The following ADAMTSL1 variants were observed in gnomAD, a reference collection of about 807,000 sequenced individuals.
ADAMTSL1 encodes ADAMTS like 1, also known as ADAMTS-like protein 1.
Under a neutral mutation model 201.8 loss-of-function variants are expected in ADAMTSL1, and 126 were observed. That is an observed-to-expected ratio of 0.62 (90% CI 0.54 to 0.72). ADAMTSL1 has a LOEUF of 0.72. Among genes scored for constraint, ADAMTSL1 ranks in the 30% least tolerant of loss-of-function variants. ADAMTSL1 has a pLI of 0.00. For synonymous variants in ADAMTSL1, 1,121 were observed against 903.4 expected (o/e 1.24, Z -4.32); for missense variants, 2,679 against 2,277.8 (o/e 1.18, Z -3.59).
At chr9:18,113,841 C>A (rs924773702) in intron 1 of ADAMTSL1, among the ~76,000 whole-genome samples, 12 of 151,938 alleles carry the variant, frequency 7.9e-5, no homozygotes, top group Admixed American at 3.3e-4. Context: ...ACTAAACAAC[C>A]CTATGAGATA....
At chr9:18,513,152 G>A (rs1470012294) in intron 2 of ADAMTSL1, among the ~76,000 whole-genome samples, 1 of 151,874 alleles carries the variant, frequency 6.6e-6, no homozygotes, top group Non-Finnish European at 1.5e-5. Flanking sequence ...TTTTATTGTG[G>A]TAAGACAATT....
intron 1 of ADAMTSL1, among the ~76,000 whole-genome samples, chr9:18,066,466 CT>C (rs1822708450): frequency 6.6e-6 from 1 of 152,142 alleles, no homozygotes; most frequent in Non-Finnish European, 1.5e-5. Flanking sequence ...GCATCCATCC[CT>C]TTTGAAAATA....
chr9:18,076,274 G>C (rs555377880), intron 1 of ADAMTSL1, among the ~76,000 whole-genome samples: 12 of 152,204 alleles, frequency 7.9e-5, no homozygotes, highest in Non-Finnish European at 1.6e-4. Flanking sequence ...CCATGGTGCT[G>C]TGCTACCGGA....
intron 1 of ADAMTSL1, among the ~76,000 whole-genome samples, chr9:18,027,156 A>G (rs528112294): frequency 6.6e-6 from 1 of 151,152 alleles, no homozygotes; most frequent in African/African-American, 2.4e-5. Flanking sequence ...ATCCTTTCAT[A>G]GAACAAACTT....
intron 4 of ADAMTSL1, among the ~76,000 whole-genome samples, chr9:18,616,482 A>G (rs953303164): frequency 6.6e-6 from 1 of 152,162 alleles, no homozygotes; most frequent in African/African-American, 2.4e-5. Context: ...ATGTGTATCT[A>G]TTATTTTGGT....
chr9:18,517,661 A>T (rs1459530376), intron 2 of ADAMTSL1, among the ~76,000 whole-genome samples: 2 of 149,150 alleles, frequency 1.3e-5, no homozygotes, highest in Non-Finnish European at 1.5e-5. Context: ...GAGTGAGATT[A>T]TGCAGTGTTT....
At chr9:18,511,126 A>G (rs1362219007) in intron 2 of ADAMTSL1, among the ~76,000 whole-genome samples, 5 of 152,142 alleles carry the variant, frequency 3.3e-5, no homozygotes, top group Non-Finnish European at 5.9e-5. Context: ...TGAGATGGCA[A>G]CGAGTTAGAT....
chr9:18,284,376 T>C (rs1832917301), intron 2 of ADAMTSL1, among the ~76,000 whole-genome samples: 1 of 152,228 alleles, frequency 6.6e-6, no homozygotes, highest in Non-Finnish European at 1.5e-5. Context: ...TATTCGGTTT[T>C]AGCAGTTAAA....
intron 2 of ADAMTSL1, among the ~76,000 whole-genome samples, chr9:18,532,022 A>C (rs1409543441): frequency 1.3e-5 from 2 of 152,200 alleles, no homozygotes; most frequent in African/African-American, 2.4e-5. Context: ...AAATTTATAC[A>C]TATAACAAAC....
At chr9:17,913,735 TG>T (rs1825978897) in intron 1 of ADAMTSL1, among the ~76,000 whole-genome samples, 1 of 152,148 alleles carries the variant, frequency 6.6e-6, no homozygotes, top group Admixed American at 6.5e-5. Context: ...ATCCAGGAGC[TG>T]GTTTTTTGAA....
intron 1 of ADAMTSL1, among the ~76,000 whole-genome samples, chr9:18,050,036 T>C (rs1032524824): frequency 3.3e-5 from 5 of 152,222 alleles, no homozygotes; most frequent in Admixed American, 6.5e-5. Flanking sequence ...ATATCTATGT[T>C]TACATATTCC....
At chr9:18,448,374 T>C (rs1436209044) in intron 2 of ADAMTSL1, among the ~76,000 whole-genome samples, 1 of 152,102 alleles carries the variant, frequency 6.6e-6, no homozygotes. Context: ...ACTGAGAAGT[T>C]TGAAACTAGG....
At chr9:18,407,255 G>A (rs141582573) in intron 2 of ADAMTSL1, among the ~76,000 whole-genome samples, 63 of 152,300 alleles carry the variant, frequency 4.1e-4, no homozygotes, top group African/African-American at 1.5e-3. Context: ...GAAGGAGGAG[G>A]AAAATTTTGT....
rs181620050 is a variant in ADAMTSL1, at chr9:17,910,507, T to C, written c.87+3585T>C. On this transcript the variant is annotated intron_variant, in intron 1 of 29. Coordinates refer to the ADAMTSL1 transcript ENST00000680146. ...CCTGTGCCACTTCTTAACCATTTCT[T>C]CTGGATAAGGATGATGACAGCAGAT... is the stretch of plus-strand genomic sequence containing the variant. 8.0e-3 allele frequency among the ~76,000 whole-genome samples: 551 copies of C among 68,872 alleles called. 137 individuals carry two copies. Among genetic ancestry groups the C allele is most frequent in the African/African-American group, 0.014 (485 of 34,156 alleles). 45.2% of individuals were successfully genotyped at this position (68,872 alleles called of 152,430 possible).
chr9:18,811,036 C>CAAAAAAAAAAAAAAAAAAAAAAAAA (rs1823474426), intron 20 of ADAMTSL1, among the ~76,000 whole-genome samples: 1 of 88,126 alleles, frequency 1.1e-5, no homozygotes, highest in Non-Finnish European at 2.1e-5. Flanking sequence ...AAAAAAAAAA[C>CAAAAAAAAAAAAAAAAAAAAAAAAA]AAACACCAGC....
intron 4 of ADAMTSL1, among the ~76,000 whole-genome samples, chr9:18,597,951 A>T (rs1564078688): frequency 6.6e-6 from 1 of 152,162 alleles, no homozygotes; most frequent in Admixed American, 6.6e-5. Flanking sequence ...CCCACCTGTC[A>T]TCTCTATTGC....
chr9:18,597,698 A>G (rs1313609301), intron 4 of ADAMTSL1, among the ~76,000 whole-genome samples: 4 of 152,154 alleles, frequency 2.6e-5, no homozygotes, highest in African/African-American at 9.7e-5. Context: ...CATACTTCCA[A>G]GGAAATATCA....
chr9:17,918,146 T>C (rs548577922), intron 1 of ADAMTSL1, among the ~76,000 whole-genome samples: 8 of 151,980 alleles, frequency 5.3e-5, no homozygotes, highest in African/African-American at 7.2e-5. Context: ...GTTTTTGTTT[T>C]CTATTTCACT....
intron 23 of ADAMTSL1, among the ~76,000 whole-genome samples, chr9:18,868,242 ACT>A (rs1458806531): frequency 1.3e-5 from 2 of 151,888 alleles, no homozygotes; most frequent in Non-Finnish European, 2.9e-5. Flanking sequence ...ATATTTTAAC[ACT>A]CTGTTTTAAG....
Sources: gnomAD v4.1 joint callset for allele counts (sites outside exome capture counted in the v4.1 genomes callset) on GRCh38, gnomAD v4.1.1 for gene constraint, MANE v1.5 for transcripts, NCBI Gene and HGNC (gene_info 2026-07-23, HGNC 2026-07-21) for gene names.